Variants in DNAJC7 observed in about 807,000 individuals in gnomAD.
DNAJC7 encodes dnaJ homolog subfamily C member 7.
Under a neutral mutation model 67.4 loss-of-function variants are expected in DNAJC7, and 18 were observed. The observed-to-expected ratio is 0.27, with a 90% CI of 0.18 to 0.40. DNAJC7 has a LOEUF of 0.40. Ranked by LOEUF, DNAJC7 falls within the 10% of genes least tolerant of loss-of-function variation. The pLI is 1.00. For synonymous variants in DNAJC7, 220 were observed against 207.8 expected, an observed-to-expected ratio of 1.06 and a Z score of -0.50; for missense variants, 419 against 613.8, an observed-to-expected ratio of 0.68 and a Z score of 3.35.
At chr17:41,994,715 C>T (rs549905998) in intron 5 of DNAJC7, among the ~76,000 whole-genome samples, 155 bp downstream of exon 5, 1 of 152,110 alleles carries the variant, frequency 6.6e-6, no homozygotes, top group East Asian at 1.9e-4. Context: ...TAGCACAAAA[C>T]ATTTTTAAGA....
intron 12 of DNAJC7, among the ~76,000 whole-genome samples, chr17:41,981,265 C>T (rs782810035): frequency 6.6e-5 from 10 of 152,016 alleles, no homozygotes; most frequent in Non-Finnish European, 1.2e-4. Flanking sequence ...GGGACAATCT[C>T]GGCTCACTGC....
chr17:42,005,237 T>C (rs1322042901), intron 1 of DNAJC7, among the ~76,000 whole-genome samples: 3 of 152,216 alleles, frequency 2.0e-5, no homozygotes, highest in African/African-American at 7.2e-5. Context: ...CTCAGCATCA[T>C]GTGATTAAAT....
chr17:42,016,345 G>T (rs1333225293), intron 1 of DNAJC7: 1 of 152,150 alleles, frequency 6.6e-6, no homozygotes, highest in African/African-American at 2.4e-5. Flanking sequence ...AGACACAACG[G>T]GCTTGGTATG....
At chr17:41,992,710 G>C (rs947549479) in intron 5 of DNAJC7, 1 of 152,142 alleles carries the variant, frequency 6.6e-6, no homozygotes, top group African/African-American at 2.4e-5. Context: ...CCATGACTAG[G>C]GACAGCTGCA....
intron 1 of DNAJC7, chr17:42,013,233 T>C (rs2052167220): frequency 6.6e-6 from 1 of 152,262 alleles, no homozygotes; most frequent in Non-Finnish European, 1.5e-5. Flanking sequence ...CCACTAAGCC[T>C]AGCCTTATTT....
At chr17:42,005,472 T>C (rs529436937) in intron 1 of DNAJC7, among the ~76,000 whole-genome samples, 29 of 152,330 alleles carry the variant, frequency 1.9e-4, no homozygotes, top group Middle Eastern at 3.4e-3. Context: ...TCAGAAACTT[T>C]AGTCAGCCTA....
At chr17:41,986,780 T>TA (rs1164932357) in intron 9 of DNAJC7, among the ~76,000 whole-genome samples, 1 of 152,086 alleles carries the variant, frequency 6.6e-6, no homozygotes, top group Non-Finnish European at 1.5e-5. Flanking sequence ...AATTCACTTT[T>TA]AAAAAAAGCA....
In DNAJC7 at chr17:41,976,461, C is replaced by CTT. The variant is rs71705091; in HGVS notation, c.*270_*271dup. Reference sequence around the variant, plus strand: ...AGGAAGGGTCAAAACATTTTATTCTCTTTTTTTTTTCTTTTTTAATAAAGT... The same window carrying CTT: ...AGGAAGGGTCAAAACATTTTATTCTCTTTTTTTTTTTTCTTTTTTAATAAAGT... On this transcript the variant is annotated 3_prime_UTR_variant, in exon 14 of 14. Coordinates refer to ENST00000457167, the MANE Select transcript of DNAJC7 (RefSeq NM_003315.4). 0.063 allele frequency: 20,150 copies of CTT among 320,996 alleles called. 6 individuals carry two copies. The highest frequency in any genetic ancestry group is 0.093 in the East Asian group (1,275 of 13,714). The allele number at this position is 320,996 out of a possible 1,614,324, so 19.9% of individuals were successfully genotyped here.
intron 2 of DNAJC7, among the ~76,000 whole-genome samples, chr17:41,998,796 T>A (rs1208351771): frequency 6.6e-6 from 1 of 152,206 alleles, no homozygotes; most frequent in African/African-American, 2.4e-5. Context: ...GAATTGACAA[T>A]GACTGAAATG....
At chr17:41,983,389 G>A (rs1175971653) in intron 10 of DNAJC7, among the ~76,000 whole-genome samples, 174 bp downstream of exon 10, 1 of 152,190 alleles carries the variant, frequency 6.6e-6, no homozygotes, top group Non-Finnish European at 1.5e-5. Context: ...CTCCCAAAGT[G>A]CTGGGGATTA....
At chr17:41,987,626 C>T in intron 9 of DNAJC7, 193 bp downstream of exon 9, 1 of 527,430 alleles carries the variant, frequency 1.9e-6, no homozygotes. Context: ...GCATGGGAGA[C>T]TGAGGGAGCT....
chr17:41,992,516 T>A (rs868964533), intron 5 of DNAJC7: 1 of 152,146 alleles, frequency 6.6e-6, no homozygotes, highest in African/African-American at 2.4e-5. Flanking sequence ...TTAAGCATTA[T>A]GTAGGTAGAG....
chr17:41,976,532 C>A lies in DNAJC7; in HGVS notation c.*201G>T. The A allele has an allele frequency of 1.7e-6, 1 of 585,162 alleles. No homozygotes were observed. The highest frequency in any genetic ancestry group is 2.9e-6 in the Non-Finnish European group (1 of 346,768). 36.2% of individuals were successfully genotyped at this position (585,162 alleles called of 1,614,324 possible). On this transcript the variant is annotated 3_prime_UTR_variant, in exon 14 of 14. Coordinates refer to ENST00000457167, the MANE Select transcript of DNAJC7 (RefSeq NM_003315.4). ...CACAAGCTGCCTCCCTGTCCACCCCCGCCTCCCTCCCCTGCCCTCGGTCTT... is the reference window on the plus strand; with the variant it reads ...CACAAGCTGCCTCCCTGTCCACCCCAGCCTCCCTCCCCTGCCCTCGGTCTT...
chr17:41,991,214 G>T lies in DNAJC7; in HGVS notation c.481-832C>A, dbSNP rs373784904. Among the ~76,000 whole-genome samples the T allele has an allele frequency of 3.5e-4, 54 of 152,228 alleles. 2 individuals are homozygous for T. The South Asian group carries it at 0.011, about 32-fold the overall frequency. On this transcript the variant is annotated intron_variant, in intron 5 of 13. Coordinates refer to ENST00000457167, the MANE Select transcript of DNAJC7 (RefSeq NM_003315.4). ...AGCCTTGCTGAATCACATTCACGCCGAGAATAAATGAACCGAAGGACAAAT... is the reference window on the plus strand; with the variant it reads ...AGCCTTGCTGAATCACATTCACGCCTAGAATAAATGAACCGAAGGACAAAT...
At chr17:42,015,647 A>G (rs1472390716) in intron 1 of DNAJC7, 1 of 151,806 alleles carries the variant, frequency 6.6e-6, no homozygotes, top group Admixed American at 6.6e-5. Context: ...GATCGAGACC[A>G]TCGTGGCTAA....
chr17:41,986,633 G>A (rs2051389096), intron 9 of DNAJC7, among the ~76,000 whole-genome samples: 1 of 150,516 alleles, frequency 6.6e-6, no homozygotes, highest in South Asian at 2.1e-4. Flanking sequence ...CTGAATCAAA[G>A]GGTGCTTTTT....
At chr17:41,988,305 C>A (rs2051432516) in intron 8 of DNAJC7, among the ~76,000 whole-genome samples, 1 of 152,140 alleles carries the variant, frequency 6.6e-6, no homozygotes, top group Admixed American at 6.5e-5. Context: ...TTGGGTAGGG[C>A]CACAAAAGCA....
At chr17:41,983,923 A>G (rs1296327276) in intron 9 of DNAJC7, among the ~76,000 whole-genome samples, 1 of 152,246 alleles carries the variant, frequency 6.6e-6, no homozygotes, top group East Asian at 1.9e-4. Flanking sequence ...CAGCCACCTA[A>G]GAGGTACTGG....
intron 12 of DNAJC7, among the ~76,000 whole-genome samples, chr17:41,978,321 T>G (rs1413663152): frequency 6.6e-6 from 1 of 152,182 alleles, no homozygotes; most frequent in Non-Finnish European, 1.5e-5. Flanking sequence ...TGTGTCTTCC[T>G]GGGCTCCTGG....
Sources: gnomAD v4.1 joint callset for allele counts (sites outside exome capture counted in the v4.1 genomes callset) on GRCh38, gnomAD v4.1.1 for gene constraint, MANE v1.5 for transcripts, NCBI Gene and HGNC (gene_info 2026-07-23, HGNC 2026-07-21) for gene names.